The following KIAA1217 variants were observed in gnomAD, a reference collection of about 807,000 sequenced individuals.
KIAA1217 encodes KIAA1217, also known as sickle tail protein homolog.
In KIAA1217, 88 loss-of-function variants were observed where a neutral mutation model predicts 163.9. The observed-to-expected ratio is 0.54, with a 90% confidence interval of 0.45 to 0.64. The LOEUF is 0.64. KIAA1217 is among the 30% of genes least tolerant of loss of function. The pLI is 0.00. For synonymous variants in KIAA1217, 903 were observed against 923.1 expected (o/e 0.98, Z 0.39); for missense variants, 2,372 against 2,475.0 (o/e 0.96, Z 0.88).
intron 1 of KIAA1217, among the ~76,000 whole-genome samples, chr10:23,735,227 T>TTTTATTTATTTA (rs201836329): frequency 1.3e-5 from 2 of 151,768 alleles, no homozygotes; most frequent in African/African-American, 2.4e-5. Context: ...AGCTGTATTA[T>TTTTATTTATTTA]TTTATTTATT....
intron 2 of KIAA1217, among the ~76,000 whole-genome samples, chr10:24,329,790 A>G (rs1257191214): frequency 6.6e-6 from 1 of 152,168 alleles, no homozygotes; most frequent in Admixed American, 6.5e-5. Context: ...GCCATTGGGA[A>G]CTTGAGCAGG....
intron 1 of KIAA1217, among the ~76,000 whole-genome samples, chr10:23,791,473 C>A (rs1248996306): frequency 6.6e-6 from 1 of 152,106 alleles, no homozygotes; most frequent in Non-Finnish European, 1.5e-5. Context: ...AGGATAAGGA[C>A]CCTTTGGTGT....
At position 24,543,963 on chromosome 10, in the gene KIAA1217, C is replaced by A. The variant is rs780628523; in HGVS notation, c.4693C>A (p.Gln1565Lys). The A allele has an allele frequency of 3.7e-6, 6 of 1,614,054 alleles. No individual in the cohort carries two copies. In the South Asian group the frequency reaches 4.4e-5, roughly 12 times the overall value. The change falls in exon 19 of 21, where the codon CAG (glutamine) becomes AAG (lysine). Residue 1565 changes from glutamine to lysine, a missense_variant. By Grantham distance (53) the Gln-to-Lys change is moderately conservative (BLOSUM62 1). Transcript: ENST00000376454. ...ECKGEDATDD[Q>K]FESPKKKFKF... ...CAAGGGTGAGGACGCGACCGATGAC[C>A]AGTTTGAAAGCCCCAAGAAAAAGTT...
At chr10:23,930,691 T>C (rs1454125929) in intron 1 of KIAA1217, among the ~76,000 whole-genome samples, 3 of 152,210 alleles carry the variant, frequency 2.0e-5, no homozygotes, top group Non-Finnish European at 4.4e-5. Flanking sequence ...ACTTTTCCAG[T>C]GTATCTGTGA....
intron 2 of KIAA1217, among the ~76,000 whole-genome samples, chr10:24,224,824 CTTTTTTT>C (rs1286749568): frequency 1.7e-5 from 2 of 121,028 alleles, no homozygotes; most frequent in South Asian, 5.5e-4. Context: ...AATCATTTGA[CTTTTTTT>C]TTTTTTTTTT....
intron 1 of KIAA1217, among the ~76,000 whole-genome samples, chr10:23,731,961 TGTG>T: frequency 6.6e-6 from 1 of 152,218 alleles, no homozygotes; most frequent in South Asian, 2.1e-4. Flanking sequence ...CTCACTTGGT[TGTG>T]GTGTATAACT....
intron 1 of KIAA1217, among the ~76,000 whole-genome samples, chr10:24,219,268 T>A (rs1012249880): frequency 1.3e-5 from 2 of 151,972 alleles, no homozygotes; most frequent in African/African-American, 4.8e-5. Context: ...CGTGCACCAC[T>A]ACGCCTGGCT....
At chr10:24,447,418 G>A (rs2061031253) in intron 5 of KIAA1217, among the ~76,000 whole-genome samples, 1 of 152,044 alleles carries the variant, frequency 6.6e-6, no homozygotes, top group Admixed American at 6.6e-5. Flanking sequence ...CCCGGTGTGT[G>A]ATGTTCCCCA....
intron 1 of KIAA1217, among the ~76,000 whole-genome samples, chr10:23,821,105 G>A (rs1214505367): frequency 9.8e-5 from 5 of 51,192 alleles, no homozygotes; most frequent in South Asian, 4.5e-4. Context: ...GTGTGTGTGC[G>A]TGTGTGTGTG....
At position 24,375,761 on chromosome 10, in the gene KIAA1217, A is replaced by G. The variant is rs756209588; in HGVS notation, c.355-5108A>G. ...TGGGCATTAATTAGGATGAAGTAAA[A>G]CTTCATCACGGCAATGTTGATTTTT... On this transcript the variant is annotated intron_variant, in intron 2 of 20. Coordinates refer to ENST00000376454, the MANE Select transcript of KIAA1217 (RefSeq NM_019590.5). Among the ~76,000 whole-genome samples the G allele has an allele frequency of 7.9e-5, 12 of 152,366 alleles. No individual in the cohort carries two copies. In the South Asian group the frequency reaches 2.5e-3, roughly 32 times the overall value.
intron 1 of KIAA1217, among the ~76,000 whole-genome samples, chr10:23,782,810 A>G (rs1191513911): frequency 6.6e-6 from 1 of 152,060 alleles, no homozygotes; most frequent in African/African-American, 2.4e-5. Context: ...TTCCTTCCCA[A>G]TTTGGATGCC....
At chr10:24,486,974 G>T (rs1267859703) in intron 6 of KIAA1217, among the ~76,000 whole-genome samples, 2 of 152,170 alleles carry the variant, frequency 1.3e-5, no homozygotes, top group African/African-American at 2.4e-5. Flanking sequence ...TGGATTAATG[G>T]CTGAAAGAAA....
chr10:24,501,414 G>T lies in KIAA1217; in HGVS notation c.1870G>T (p.Ala624Ser). ...TGTGTCTGGTGGGAAGATGCTCAGT[G>T]CTCTGGAGTCCACGGTGCCTCCCAG... The part of the protein sequence containing the change: ...PHVSGGKMLS[A>S]LESTVPPSQP... The change falls in exon 9 of 21, where the codon GCT becomes TCT. Residue 624 changes from alanine to serine, a missense_variant. Ala to Ser is a moderately conservative substitution (Grantham distance 99). Around this residue, in one of 3 missense-constraint regions of KIAA1217, gnomAD observed 1,431 missense variants for 1,470.3 expected, o/e 0.97. Coordinates refer to ENST00000376454, the MANE Select transcript of KIAA1217 (RefSeq NM_019590.5). The T allele has an allele frequency of 6.2e-7, 1 of 1,613,982 alleles. No homozygotes were observed. Among genetic ancestry groups the T allele is most frequent in the East Asian group, 2.2e-5 (1 of 44,874 alleles).
At chr10:24,310,866 G>A (rs987258104) in intron 2 of KIAA1217, among the ~76,000 whole-genome samples, 1 of 152,126 alleles carries the variant, frequency 6.6e-6, no homozygotes, top group Non-Finnish European at 1.5e-5. Flanking sequence ...GTGTGGTGGT[G>A]CACACCTGTA....
In KIAA1217 at chr10:24,496,576, T is replaced by G. The variant is rs565172848; in HGVS notation, c.1834+1380T>G. 7.9e-5 allele frequency among the ~76,000 whole-genome samples: 12 copies of G among 152,348 alleles called. 1 individual carries two copies. Among genetic ancestry groups the G allele is most frequent in the East Asian group, 5.8e-4 (3 of 5,180 alleles). The stretch of plus-strand genomic sequence containing the variant: ...GCTTTATAGAGAAGAAGAAGAAGAA[T>G]AAATATGTAGTGAGTGCTTCCTATG... On this transcript the variant is annotated intron_variant, in intron 8 of 20. Transcript: ENST00000376454.
intron 2 of KIAA1217, among the ~76,000 whole-genome samples, chr10:24,347,801 A>C (rs10828631): frequency 0.36 from 55,327 of 152,068 alleles, 11,345 homozygotes; most frequent in Non-Finnish European, 0.46. Flanking sequence ...TATAATTGAC[A>C]AATAAAAAAT....
intron 1 of KIAA1217, among the ~76,000 whole-genome samples, chr10:23,786,466 T>C (rs1359868997): frequency 6.6e-6 from 1 of 151,876 alleles, no homozygotes; most frequent in Non-Finnish European, 1.5e-5. Flanking sequence ...GTCTTGACTT[T>C]TCCGGCTATT....
At chr10:24,107,061 A>G (rs2062659433) in intron 2 of KIAA1217, among the ~76,000 whole-genome samples, 1 of 152,014 alleles carries the variant, frequency 6.6e-6, no homozygotes, top group East Asian at 1.9e-4. Context: ...GTAAATCCCA[A>G]TGTCTGTTGT....
intron 2 of KIAA1217, among the ~76,000 whole-genome samples, chr10:24,296,198 G>A (rs1483710182): frequency 6.6e-6 from 1 of 152,038 alleles, no homozygotes; most frequent in Admixed American, 6.6e-5. Flanking sequence ...TGACCTCCTG[G>A]GCTCAAGCGA....
Sources: allele counts gnomAD v4.1 joint callset (sites outside exome capture counted in the v4.1 genomes callset), GRCh38; gene constraint gnomAD v4.1.1; regional missense constraint gnomAD v4.1.1; transcripts MANE v1.5; gene names NCBI Gene and HGNC (gene_info 2026-07-23, HGNC 2026-07-21).